Variants in BCORL1 observed in about 807,000 individuals in gnomAD.
BCORL1 encodes BCL-6 corepressor-like protein 1.
Under a neutral mutation model 87.6 loss-of-function variants are expected in BCORL1, and 7 were observed. That is an observed-to-expected ratio of 0.08 (90% CI 0.05 to 0.15). BCORL1 has a LOEUF of 0.15. BCORL1 is among the 10% of genes least tolerant of loss of function. The pLI is 1.00. For missense variants in BCORL1, 1,215 were observed against 1,499.7 expected (o/e 0.81, Z 3.13); for synonymous variants, 591 against 634.4 (o/e 0.93, Z 1.03).
rs370526822 is a variant in BCORL1 at position 130,028,748 on chromosome X, G to A, written c.4192G>A (p.Gly1398Ser). ...CCAGGGGATCTCGGATTCACCAAAC[G>A]GTTTCCTCCCAAATAACCTGGAAGA... ...KVQGISDSPN[G>S]FLPNNLEEPA... Residue 1398 changes from glycine (G) to serine (S), a missense_variant, in exon 8 of 14, where the codon GGT becomes AGT. Transcript: ENST00000540052. 5.8e-6 allele frequency: 7 copies of A among 1,210,503 alleles called. No individual in the cohort carries two copies. Among genetic ancestry groups the A allele is most frequent in the African/African-American group, 1.7e-5 (1 of 57,505 alleles).
intron 1 of BCORL1, among the ~76,000 whole-genome samples, chrX:129,991,340 G>A (rs898792702): frequency 3.6e-5 from 4 of 110,546 alleles, no homozygotes; most frequent in African/African-American, 1.3e-4. Context: ...GGCTGGTCTC[G>A]AACTCCTGAC....
In BCORL1 at chrX:130,015,148, T is replaced by C. The variant is rs1398468516; in HGVS notation, c.2376T>C (p.Pro792=). 1 of 1,212,311 alleles carries C rather than the reference T, an allele frequency of 8.2e-7. No homozygotes were observed. The change falls in exon 4 of 14, where the codon CCT becomes CCC. Residue 792 remains proline, a synonymous_variant. Coordinates refer to ENST00000540052, the MANE Select transcript of BCORL1 (RefSeq NM_001379451.1). The part of the protein sequence containing the change: ...VKRYTPARIA[P]GLPGCQTKEL... Reference sequence around the variant, plus strand: ...GATATACTCCAGCCCGCATTGCCCCTGGGCTGCCAGGGTGCCAAACCAAGG... The same window carrying C: ...GATATACTCCAGCCCGCATTGCCCCCGGGCTGCCAGGGTGCCAAACCAAGG...
chrX:130,001,698 G>A (rs1928063178), intron 1 of BCORL1, among the ~76,000 whole-genome samples: 1 of 110,077 alleles, frequency 9.1e-6, no homozygotes, highest in Admixed American at 9.8e-5. Flanking sequence ...GAAGGGTTGG[G>A]AGCTGGGGGT....
chrX:130,016,271 C>A, intron 4 of BCORL1, 58 bp downstream of exon 4: 1 of 1,125,252 alleles, frequency 8.9e-7, no homozygotes, highest in African/African-American at 1.8e-5. Flanking sequence ...TACTTCGTGC[C>A]ATGGATAGCA....
intron 4 of BCORL1, among the ~76,000 whole-genome samples, chrX:130,019,467 C>T (rs1357577732): frequency 1.8e-5 from 2 of 112,721 alleles, no homozygotes; most frequent in Non-Finnish European, 3.7e-5. Context: ...CCTCATCTTC[C>T]TCTTTCCAAC....
intron 13 of BCORL1, among the ~76,000 whole-genome samples, chrX:130,053,752 G>A (rs73633944): frequency 0.016 from 1,845 of 112,191 alleles, 29 homozygotes; most frequent in African/African-American, 0.056. Flanking sequence ...GGGTGCTAGC[G>A]TAGAGTGATG....
intron 4 of BCORL1, among the ~76,000 whole-genome samples, chrX:130,017,983 G>A (rs1379783583): frequency 8.9e-6 from 1 of 112,012 alleles, no homozygotes; most frequent in Admixed American, 9.5e-5. Flanking sequence ...TGTTTTGCAA[G>A]TTTTTGTTGC....
chrX:130,014,823 C>T lies in BCORL1; in HGVS notation c.2051C>T (p.Ser684Phe), dbSNP rs761546615. ...GNVTSCLGST[S>F]SPFVIFPEIV... Reference sequence around the variant, plus strand: ...GTCACCTCCTGCCTGGGCTCCACTTCCTCGCCCTTTGTCATCTTTCCCGAG... The same window carrying T: ...GTCACCTCCTGCCTGGGCTCCACTTTCTCGCCCTTTGTCATCTTTCCCGAG... The change falls in exon 4 of 14, where the codon TCC becomes TTC. Residue 684 changes from serine to phenylalanine, a missense_variant. By Grantham distance (155) the Ser-to-Phe change is radical (BLOSUM62 -2). Coordinates refer to ENST00000540052, the MANE Select transcript of BCORL1 (RefSeq NM_001379451.1). 4.1e-6 allele frequency: 5 copies of T among 1,209,513 alleles called. No individual in the cohort carries two copies. Among genetic ancestry groups the T allele is most frequent in the Admixed American group, 2.2e-5 (1 of 45,712 alleles).
At position 130,013,404 on chromosome X, in the gene BCORL1, C is replaced by T; in HGVS notation, c.632C>T (p.Ala211Val). 1.7e-6 allele frequency: 2 copies of T among 1,211,369 alleles called. No homozygotes were observed. The highest frequency in any genetic ancestry group is 2.2e-6 in the Non-Finnish European group (2 of 895,322). Residue 211 changes from alanine to valine, a missense_variant, in exon 4 of 14, where the codon GCC becomes GTC. This residue lies in a region of BCORL1 where 861 missense variants were observed against 1,010.0 expected (regional missense o/e 0.85). Coordinates refer to ENST00000540052, the MANE Select transcript of BCORL1 (RefSeq NM_001379451.1). ...ATCTGTCCCCCTGCTCCCGGTTCGG[C>T]CTCTGTGCCCCACTCTGTTCCAGAT... ...APICPPAPGS[A>V]SVPHSVPDAF...
In BCORL1 at chrX:130,014,564, T is replaced by G; in HGVS notation, c.1792T>G (p.Phe598Val). ...GCAAACAGAAGGGACTTCCGTTACCTTCTCTCCTCTTAAGTCACCGCCACA... is the reference window on the plus strand; with the variant it reads ...GCAAACAGAAGGGACTTCCGTTACCGTCTCTCCTCTTAAGTCACCGCCACA... ...EQQTEGTSVT[F>V]SPLKSPPQLE... Residue 598 changes from phenylalanine to valine, a missense_variant, in exon 4 of 14, where the codon TTC becomes GTC. Phe to Val is a conservative substitution (Grantham distance 50, BLOSUM62 -1). Transcript: ENST00000540052. 1 of 1,211,388 alleles carries G rather than the reference T, an allele frequency of 8.3e-7. No homozygotes were observed. The highest frequency in any genetic ancestry group is 1.1e-6 in the Non-Finnish European group (1 of 895,384).
intron 12 of BCORL1, 89 bp from the exon 13 acceptor site, chrX:130,051,770 CT>C: frequency 1.1e-6 from 1 of 921,214 alleles, no homozygotes; most frequent in East Asian, 3.3e-5. Context: ...ACCACCACCC[CT>C]CCATGCCCCT....
In BCORL1 at chrX:130,015,309, T is replaced by A. The variant is rs1354547127; in HGVS notation, c.2537T>A (p.Ile846Asn). 6 of 1,210,353 alleles carry A rather than the reference T, an allele frequency of 5.0e-6. No individual in the cohort carries two copies. The Admixed American group carries it at 1.1e-4, about 22-fold the overall frequency. The change falls in exon 4 of 14, where the codon ATT (isoleucine) becomes AAT (asparagine). Residue 846 changes from isoleucine (I) to asparagine (N), a missense_variant. Physicochemically the swap from Ile to Asn is moderately radical, Grantham distance 149 (BLOSUM62 -3). This residue lies in a region of BCORL1 where 861 missense variants were observed against 1,010.0 expected (regional missense o/e 0.85). Transcript: ENST00000540052. ...YHQASLLSIGISSAGQLTPSQ... is the reference protein window; with the variant it reads ...YHQASLLSIGNSSAGQLTPSQ... ...CAGGCGTCTCTGCTTTCCATTGGCA[T>A]TTCCAGTGCCGGGCAGCTGACCCCC...
intron 1 of BCORL1, among the ~76,000 whole-genome samples, chrX:129,986,861 G>T (rs1029882059): frequency 1.4e-4 from 16 of 111,428 alleles, no homozygotes; most frequent in African/African-American, 4.9e-4. Flanking sequence ...AAAGAAAAAA[G>T]AAAAAAATGT....
chrX:130,025,354 C>CA lies in BCORL1; in HGVS notation c.4053_4054insA (p.Glu1352ArgfsTer14). 8.7e-7 allele frequency: 1 copy of CA among 1,151,392 alleles called. No homozygotes were observed. The highest frequency in any genetic ancestry group is 1.2e-6 in the Non-Finnish European group (1 of 867,322). 94.9% of individuals were successfully genotyped at this position (1,151,392 alleles called of 1,213,427 possible). ...GGGAGTACCTGACAGAGCAAGAAGA[C>CA]GAGCAGCGGCGGAAAGGGAGAGCAG... On this transcript the variant is annotated frameshift_variant, in exon 7 of 14. Coordinates refer to ENST00000540052, the MANE Select transcript of BCORL1 (RefSeq NM_001379451.1). LOFTEE classifies it high-confidence loss of function.
chrX:130,028,676 T>C lies in BCORL1; in HGVS notation c.4120T>C (p.Leu1374=), dbSNP rs752197592. ...GCAGAAGACTTCCTCCTCCCAAAGT[T>C]TGGAGCACCGCCTCAGGAACAGGAA... ...RKQKTSSSQS[L]EHRLRNRNLL... is the part of the protein sequence containing the mutation. Residue 1374 remains leucine, a synonymous_variant, in exon 8 of 14, where the codon TTG becomes CTG. Transcript: ENST00000540052. The C allele has an allele frequency of 1.5e-5, 18 of 1,210,593 alleles. No individual in the cohort carries two copies. Among genetic ancestry groups the C allele is most frequent in the South Asian group, 8.8e-5 (5 of 56,916 alleles).
chrX:130,020,633 TG>T (rs1235581520), intron 4 of BCORL1, among the ~76,000 whole-genome samples: 1 of 112,630 alleles, frequency 8.9e-6, no homozygotes, highest in Non-Finnish European at 1.9e-5. Flanking sequence ...AGAGGCATTT[TG>T]TTTAATGCCG....
At position 130,013,030 on chromosome X, in the gene BCORL1, C is replaced by T. The variant is rs1170049146; in HGVS notation, c.258C>T (p.His86=). ...GCAGTGCTACAGAAAAACTTGGGCA[C>T]AAGTCAGAAGACAAGCCTGACGATC... ...PDGSATEKLG[H]KSEDKPDDPQ... Residue 86 remains histidine (H), a synonymous_variant, in exon 4 of 14, where the codon CAC becomes CAT. Transcript: ENST00000540052. 10 of 1,209,727 alleles carry T rather than the reference C, an allele frequency of 8.3e-6. No homozygotes were observed. The highest frequency in any genetic ancestry group is 1.1e-5 in the Non-Finnish European group (10 of 893,651).
chrX:130,003,947 CTTA>C (rs1270107079), intron 1 of BCORL1, among the ~76,000 whole-genome samples: 1 of 111,815 alleles, frequency 8.9e-6, no homozygotes, highest in Non-Finnish European at 1.9e-5. Context: ...ACAACTATAT[CTTA>C]TTGTGATTTA....
At chrX:130,002,692 T>TTG (rs1232346186) in intron 1 of BCORL1, among the ~76,000 whole-genome samples, 2 of 98,777 alleles carry the variant, frequency 2.0e-5, no homozygotes, top group Admixed American at 1.1e-4. Context: ...GGAGAGGGGA[T>TTG]TGTGTGTGTG....
Sources: gnomAD v4.1 joint callset for allele counts (sites outside exome capture counted in the v4.1 genomes callset) on GRCh38, gnomAD v4.1.1 for gene constraint, gnomAD v4.1.1 regional missense constraint, MANE v1.5 for transcripts, NCBI Gene and HGNC (gene_info 2026-07-23, HGNC 2026-07-21) for gene names.